Variants in GFI1B observed in about 807,000 individuals in gnomAD.
The protein encoded by GFI1B is growth factor independent 1B transcriptional repressor.
In GFI1B, 20 loss-of-function variants were observed where a neutral mutation model predicts 35.3. The ratio of observed to expected loss-of-function variants is 0.57; its 90% CI spans 0.40 to 0.82. The LOEUF (loss-of-function observed/expected upper bound fraction) is 0.82, where lower values mean the gene tolerates loss of function less well. Ranked by LOEUF, GFI1B falls within the 40% of genes least tolerant of loss-of-function variation. The pLI, the probability that GFI1B is intolerant of heterozygous loss-of-function variation, is 0.00. For missense variants in GFI1B, 430 were observed against 446.3 expected, an observed-to-expected ratio of 0.96 and a Z score of 0.33; for synonymous variants, 178 against 177.6, an observed-to-expected ratio of 1.00 and a Z score of -0.02.
intron 1 of GFI1B, among the ~76,000 whole-genome samples, chr9:132,963,060 C>G (rs1301068946): frequency 6.6e-5 from 7 of 106,360 alleles, no homozygotes; most frequent in Non-Finnish European, 1.2e-4. Context: ...CCAGCCTGGG[C>G]AACAGAGTGA....
chr9:132,993,223 G>A (rs1191123505), downstream of GFI1B, among the ~76,000 whole-genome samples: 1 of 152,192 alleles, frequency 6.6e-6, no homozygotes, highest in Non-Finnish European at 1.5e-5. Context: ...GAACCTGGGA[G>A]GTGGAAGTTG....
chr9:132,972,890 C>T (rs1450652952), intron 2 of GFI1B: 1 of 152,218 alleles, frequency 6.6e-6, no homozygotes, highest in Non-Finnish European at 1.5e-5. Flanking sequence ...CGCACGTCGA[C>T]TGCCTGCAGC....
chr9:132,957,008 A>G (rs1848293066), intron 1 of GFI1B, among the ~76,000 whole-genome samples: 2 of 152,236 alleles, frequency 1.3e-5, no homozygotes, highest in South Asian at 4.1e-4. Flanking sequence ...GAGAGTGCAA[A>G]TAACATGGAA....
Position 132,978,740 on chromosome 9 carries a change from A to G in GFI1B, c.-122A>G, listed in dbSNP as rs967883211. 33 of 152,400 alleles carry G rather than the reference A, an allele frequency of 2.2e-4. No homozygotes were observed. The highest frequency in any genetic ancestry group is 1.8e-3 in the Admixed American group (28 of 15,306). The allele number at this position is 152,400 out of a possible 1,614,324, so 9.4% of individuals were successfully genotyped here. A position where few individuals can be genotyped will look rare whatever the true frequency, so the allele number is the denominator to read the frequency against. On this transcript the variant is annotated 5_prime_UTR_variant, in exon 1 of 7. Coordinates refer to ENST00000372122, the MANE Select transcript of GFI1B (RefSeq NM_001377304.1). ...AGGAGAAGTATCTATTTGTGCAAAG[A>G]GTCACACAGTTGACAGAGTGGAGGC...
chr9:132,988,562 T>A, intron 4 of GFI1B, 94 bp downstream of exon 4: 1 of 1,166,914 alleles, frequency 8.6e-7, no homozygotes, highest in East Asian at 2.5e-5. Flanking sequence ...GTGCTGTGAA[T>A]GTTGGGGCTC....
chr9:132,979,963 C>A (rs1290674675), intron 1 of GFI1B, among the ~76,000 whole-genome samples: 1 of 152,228 alleles, frequency 6.6e-6, no homozygotes, highest in Non-Finnish European at 1.5e-5. Flanking sequence ...GACGCGCCTG[C>A]ATGTTTCTTA....
At chr9:132,959,570 A>G (rs1253000093) in intron 1 of GFI1B, among the ~76,000 whole-genome samples, 1 of 152,204 alleles carries the variant, frequency 6.6e-6, no homozygotes, top group Non-Finnish European at 1.5e-5. Context: ...GATGCCTGCT[A>G]TATTCATTTC....
chr9:132,991,346 C>G lies in GFI1B; in HGVS notation c.*296C>G, dbSNP rs1282945647. 8.9e-6 allele frequency: 4 copies of G among 451,286 alleles called. No homozygotes were observed. In the East Asian group the frequency reaches 1.3e-4, roughly 15 times the overall value. 28.0% of individuals were successfully genotyped at this position (451,286 alleles called of 1,614,324 possible). ...CAGAGCACAGAAAGCTAGAATACCC[C>G]CAGGGAGACAGGGATGCCAAGAGTA... On this transcript the variant is annotated 3_prime_UTR_variant, in exon 7 of 7. Coordinates refer to ENST00000372122, the MANE Select transcript of GFI1B (RefSeq NM_001377304.1).
chr9:132,988,213 G>A lies in GFI1B; in HGVS notation c.255G>A (p.Leu85=). 1.2e-6 allele frequency: 2 copies of A among 1,614,066 alleles called. No homozygotes were observed. Among genetic ancestry groups the A allele is most frequent in the Non-Finnish European group, 1.7e-6 (2 of 1,179,934 alleles). Residue 85 remains leucine, a synonymous_variant, in exon 4 of 7, where the codon CTG becomes CTA. Transcript: ENST00000372122. The part of the protein sequence containing the change: ...MAPAPEGPIV[L]SRPQDGDSPL... ...TCTCCACAGAGGGCCCCATTGTGCT[G>A]TCCCGACCCCAGGATGGGGACTCTC...
chr9:132,981,795 C>T (rs1259544365), intron 1 of GFI1B, among the ~76,000 whole-genome samples: 1 of 152,052 alleles, frequency 6.6e-6, no homozygotes, highest in African/African-American at 2.4e-5. Context: ...CTGTGTCACC[C>T]AGGCTGGAGT....
chr9:132,979,827 C>T (rs773787757), intron 1 of GFI1B, among the ~76,000 whole-genome samples: 5 of 152,112 alleles, frequency 3.3e-5, no homozygotes, highest in Admixed American at 6.5e-5. Flanking sequence ...GGTATGTGCC[C>T]GTGTACATTT....
chr9:132,953,058 A>G (rs993454777), intron 1 of GFI1B: 5 of 152,254 alleles, frequency 3.3e-5, no homozygotes, highest in African/African-American at 4.8e-5. Context: ...TGGAATGTAT[A>G]GACTATTTAC....
intron 6 of GFI1B, among the ~76,000 whole-genome samples, 172 bp downstream of exon 6, chr9:132,990,079 G>T (rs967855552): frequency 8.5e-5 from 13 of 152,166 alleles, no homozygotes; most frequent in African/African-American, 3.1e-4. Flanking sequence ...CTTAATGCAT[G>T]GAAAAAAATA....
intron 1 of GFI1B, among the ~76,000 whole-genome samples, chr9:132,957,111 T>TGAG (rs1848294236): frequency 6.6e-6 from 1 of 152,188 alleles, no homozygotes; most frequent in African/African-American, 2.4e-5. Context: ...GTAGTCTCAG[T>TGAG]GAGTGTCTAA....
At chr9:132,962,887 G>T (rs1400634369) in intron 1 of GFI1B, among the ~76,000 whole-genome samples, 1 of 147,392 alleles carries the variant, frequency 6.8e-6, no homozygotes, top group Non-Finnish European at 1.5e-5. Context: ...CCTAGCCAAC[G>T]TGGTGAAAAC....
At chr9:132,968,634 A>G (rs974209603) in intron 1 of GFI1B, among the ~76,000 whole-genome samples, 5 of 152,156 alleles carry the variant, frequency 3.3e-5, no homozygotes, top group African/African-American at 7.2e-5. Context: ...AGGTCAAAAT[A>G]TAATTAGAAT....
chr9:132,962,795 G>A (rs893997652), intron 1 of GFI1B: 1 of 262,762 alleles, frequency 3.8e-6, no homozygotes, highest in African/African-American at 2.3e-5. Context: ...TTTTGACAAG[G>A]CGCAATGGCT....
chr9:132,956,285 C>T lies in GFI1B; in HGVS notation c.-701+10616C>T, dbSNP rs539496924. ...AAAGCTACTATCATACCCTTTTCCT[C>T]CACCTCCTTTTGTTATTATTTTTTT... On this transcript the variant is annotated intron_variant, in intron 1 of 10. Transcript: ENST00000339463. Among the ~76,000 whole-genome samples, 12 of 151,892 alleles carry T rather than the reference C, an allele frequency of 7.9e-5. No homozygotes were observed. In the South Asian group the frequency reaches 2.5e-3, roughly 32 times the overall value.
At chr9:132,972,355 GATGTTGCAGTGAGCCGAGATTGCACCAC>G (rs1160736707) in intron 1 of GFI1B, among the ~76,000 whole-genome samples, 4 of 152,214 alleles carry the variant, frequency 2.6e-5, no homozygotes, top group African/African-American at 9.6e-5. Context: ...CTGGGAGGTG[GATGTTGCAGTGAGCCGAGATTGCACCAC>G]TGCACTCCAG....
Sources: allele counts gnomAD v4.1 joint callset (sites outside exome capture counted in the v4.1 genomes callset), GRCh38; gene constraint gnomAD v4.1.1; transcripts MANE v1.5; gene names NCBI Gene and HGNC (gene_info 2026-07-23, HGNC 2026-07-21).